Variants in SHISA9 observed in about 807,000 individuals in gnomAD.
SHISA9 encodes the protein shisa family member 9, also known as protein shisa-9.
SHISA9 carries 13 observed loss-of-function variants against 38.0 expected under a neutral mutation model. That is an observed-to-expected ratio of 0.34 (90% confidence interval 0.22 to 0.54). The LOEUF is 0.54. SHISA9 is among the 20% of genes least tolerant of loss of function. SHISA9 has a pLI of 0.91. For synonymous variants in SHISA9, 275 were observed against 242.0 expected, an observed-to-expected ratio of 1.14 and a Z score of -1.27; for missense variants, 538 against 575.8, an observed-to-expected ratio of 0.93 and a Z score of 0.67.
chr16:13,209,993 T>C (rs969276237), intron 3 of SHISA9, among the ~76,000 whole-genome samples: 1 of 151,994 alleles, frequency 6.6e-6, no homozygotes, highest in Non-Finnish European at 1.5e-5. Flanking sequence ...CTCAGCTACT[T>C]GGGAGGCTGA....
the SHISA9 span, among the ~76,000 whole-genome samples, chr16:13,536,405 A>C: frequency 6.6e-6 from 1 of 152,204 alleles, no homozygotes; most frequent in East Asian, 1.9e-4. Flanking sequence ...CCCCAGTGAG[A>C]ATGGCATTTC....
At chr16:12,980,805 A>T (rs948114064) in intron 2 of SHISA9, among the ~76,000 whole-genome samples, 9 of 151,628 alleles carry the variant, frequency 5.9e-5, no homozygotes. Context: ...CAGTTGATTA[A>T]TTCATTCTTT....
the SHISA9 span, among the ~76,000 whole-genome samples, chr16:13,325,163 A>G: frequency 6.6e-6 from 1 of 152,224 alleles, no homozygotes; most frequent in Admixed American, 6.5e-5. Context: ...TTCTCTACAG[A>G]ATGCAAATTT....
chr16:13,429,692 A>G, the SHISA9 span, among the ~76,000 whole-genome samples: 1 of 152,254 alleles, frequency 6.6e-6, no homozygotes, highest in Non-Finnish European at 1.5e-5. Context: ...AACTCAAATC[A>G]TGACAGGACC....
At chr16:12,970,467 G>GTA (rs1567168028) in intron 2 of SHISA9, among the ~76,000 whole-genome samples, 384 of 23,526 alleles carry the variant, frequency 0.016, 12 homozygotes, top group African/African-American at 0.032. Context: ...ATATATGTGT[G>GTA]TGTATATATA....
intron 2 of SHISA9, among the ~76,000 whole-genome samples, chr16:13,027,609 A>G (rs1310284468): frequency 6.6e-6 from 1 of 152,190 alleles, no homozygotes; most frequent in Non-Finnish European, 1.5e-5. Flanking sequence ...ATTCTCGGCA[A>G]TAAAAAATAA....
the SHISA9 span, among the ~76,000 whole-genome samples, chr16:13,496,565 C>T: frequency 6.6e-6 from 1 of 150,910 alleles, no homozygotes; most frequent in South Asian, 2.1e-4. Context: ...TCCAATAGGT[C>T]ATGAGAAAAA....
chr16:13,233,868 T>C (rs1462224204), intron 4 of SHISA9, among the ~76,000 whole-genome samples: 1 of 151,958 alleles, frequency 6.6e-6, no homozygotes, highest in African/African-American at 2.4e-5. Flanking sequence ...ATACAAAAAT[T>C]AGCCTAGTGT....
At chr16:12,936,496 T>C (rs1381566484) in intron 2 of SHISA9, among the ~76,000 whole-genome samples, 1 of 152,218 alleles carries the variant, frequency 6.6e-6, no homozygotes, top group Non-Finnish European at 1.5e-5. Context: ...AGAGAGAGTG[T>C]AACATAAATA....
At chr16:13,043,059 A>C (rs960526595) in intron 2 of SHISA9, among the ~76,000 whole-genome samples, 19 of 152,208 alleles carry the variant, frequency 1.2e-4, no homozygotes, top group Admixed American at 1.1e-3. Flanking sequence ...CCTGGACAGC[A>C]GTTGGAGGGT....
the SHISA9 span, among the ~76,000 whole-genome samples, chr16:13,278,422 T>G: frequency 6.6e-6 from 1 of 152,072 alleles, no homozygotes; most frequent in African/African-American, 2.4e-5. Flanking sequence ...AGGGTGACGT[T>G]GGCTTCATCA....
the SHISA9 span, among the ~76,000 whole-genome samples, chr16:13,377,406 G>GT: frequency 6.6e-6 from 1 of 152,082 alleles, no homozygotes; most frequent in Non-Finnish European, 1.5e-5. Flanking sequence ...TTCAAACATC[G>GT]TATTTGTTCC....
At chr16:13,426,100 G>A in the SHISA9 span, among the ~76,000 whole-genome samples, 1,627 of 152,184 alleles carry the variant, frequency 0.011, 40 homozygotes, top group African/African-American at 0.038. Context: ...TTTTGTAATA[G>A]GAACTTCACA....
the SHISA9 span, among the ~76,000 whole-genome samples, chr16:13,328,918 C>T: frequency 6.6e-6 from 1 of 151,982 alleles, no homozygotes; most frequent in African/African-American, 2.4e-5. Flanking sequence ...TTTTTTTTCC[C>T]TAACAAGGAG....
At chr16:12,904,967 C>T (rs2071073096) in intron 1 of SHISA9, among the ~76,000 whole-genome samples, 1 of 152,152 alleles carries the variant, frequency 6.6e-6, no homozygotes, top group Non-Finnish European at 1.5e-5. Flanking sequence ...ATCCTCCCAC[C>T]TCAGCCTCCC....
the SHISA9 span, among the ~76,000 whole-genome samples, chr16:13,262,690 A>AAGGAAGGGAGGGAGGGAGGG: frequency 1.4e-5 from 1 of 71,102 alleles, no homozygotes; most frequent in African/African-American, 6.3e-5. Flanking sequence ...GGAAGGAAGG[A>AAGGAAGGGAGGGAGGGAGGG]AGGAAGGAAG....
In SHISA9 at chr16:13,240,275, A is replaced by G. The variant is rs904073811; in HGVS notation, c.*4866A>G. ...TGTGTTAATACTTGTCAACAACTGC[A>G]GAGTTTATGATACGAATAATTCTTC... On this transcript the variant is annotated 3_prime_UTR_variant, in exon 5 of 5. Transcript: ENST00000558583. 1.3e-5 allele frequency: 2 copies of G among 152,254 alleles called. No individual in the cohort carries two copies. Among genetic ancestry groups the G allele is most frequent in the Non-Finnish European group, 2.9e-5 (2 of 68,048 alleles). 9.4% of individuals were successfully genotyped at this position (152,254 alleles called of 1,614,324 possible). A position where few individuals can be genotyped will look rare whatever the true frequency, so the allele number is the denominator to read the frequency against.
the SHISA9 span, among the ~76,000 whole-genome samples, chr16:13,419,758 C>G: frequency 1.3e-5 from 2 of 152,138 alleles, no homozygotes; most frequent in Non-Finnish European, 2.9e-5. Flanking sequence ...CAATCATAAA[C>G]AAGGCATAAA....
chr16:13,435,408 A>G, the SHISA9 span, among the ~76,000 whole-genome samples: 1 of 152,234 alleles, frequency 6.6e-6, no homozygotes, highest in African/African-American at 2.4e-5. Context: ...ACAGTAAACT[A>G]TGTCACAAGA....
Sources: allele counts gnomAD v4.1 joint callset (sites outside exome capture counted in the v4.1 genomes callset), GRCh38; gene constraint gnomAD v4.1.1; transcripts MANE v1.5; gene names NCBI Gene and HGNC (gene_info 2026-07-23, HGNC 2026-07-21).